Variants in GAS2 observed in about 807,000 individuals in gnomAD.
GAS2 encodes growth arrest-specific protein 2.
GAS2 carries 20 observed loss-of-function variants against 37.5 expected under a neutral mutation model. The ratio of observed to expected loss-of-function variants is 0.53; its 90% confidence interval spans 0.37 to 0.77. The LOEUF is 0.77. GAS2 is among the 30% of genes least tolerant of loss of function. The pLI, the probability that GAS2 is intolerant of heterozygous loss-of-function variation, is 0.00. For synonymous variants in GAS2, 144 were observed against 132.2 expected (o/e 1.09, Z -0.61); for missense variants, 336 against 373.4 (o/e 0.90, Z 0.82).
intron 3 of GAS2, among the ~76,000 whole-genome samples, chr11:22,717,275 G>A (rs1851727909): frequency 6.6e-6 from 1 of 152,126 alleles, no homozygotes; most frequent in Admixed American, 6.6e-5. Flanking sequence ...TACCAAAACA[G>A]TATGGTATGA....
At chr11:22,687,279 A>T (rs1188910527) in intron 3 of GAS2, among the ~76,000 whole-genome samples, 1 of 152,150 alleles carries the variant, frequency 6.6e-6, no homozygotes, top group African/African-American at 2.4e-5. Flanking sequence ...GTGAGCCAAG[A>T]TCACAACACT....
chr11:22,681,642 A>G (rs945347991), intron 2 of GAS2, among the ~76,000 whole-genome samples: 2 of 152,180 alleles, frequency 1.3e-5, no homozygotes, highest in African/African-American at 4.8e-5. Flanking sequence ...TCTGGTGCTA[A>G]AATCACACTG....
At chr11:22,642,404 G>C (rs1003262022) in intron 1 of GAS2, among the ~76,000 whole-genome samples, 1 of 152,110 alleles carries the variant, frequency 6.6e-6, no homozygotes, top group Non-Finnish European at 1.5e-5. Context: ...CTCTGGAAAT[G>C]AATTAGTATT....
intron 4 of GAS2, among the ~76,000 whole-genome samples, chr11:22,727,433 C>T (rs1189468432): frequency 6.6e-6 from 1 of 152,022 alleles, no homozygotes. Flanking sequence ...GCCCCATTCC[C>T]ATGCGTAACC....
chr11:22,636,085 T>C (rs550321862), intron 1 of GAS2, among the ~76,000 whole-genome samples: 42 of 152,328 alleles, frequency 2.8e-4, no homozygotes, highest in African/African-American at 9.1e-4. Context: ...ACTGCTTCTT[T>C]CAAAGGGTCT....
intron 3 of GAS2, among the ~76,000 whole-genome samples, chr11:22,721,008 A>G (rs1851921902): frequency 6.6e-6 from 1 of 152,062 alleles, no homozygotes; most frequent in African/African-American, 2.4e-5. Context: ...GGAACAGTTG[A>G]AAGTGTAGGA....
At position 22,748,606 on chromosome 11, in the gene GAS2, C is replaced by G. The variant is rs143558584; in HGVS notation, c.474-514C>G. Among the ~76,000 whole-genome samples, 136 of 152,106 alleles carry G rather than the reference C, an allele frequency of 8.9e-4. 2 individuals are homozygous for G. The highest frequency in any genetic ancestry group is 2.6e-3 in the African/African-American group (108 of 41,514). On this transcript the variant is annotated intron_variant, in intron 5 of 7. Transcript: ENST00000454584. ...TCATAACCTATGACATTGTATAACC[C>G]ATAGTACAATGTTCTGGACCCATAG... is the stretch of plus-strand genomic sequence containing the variant.
intron 2 of GAS2, among the ~76,000 whole-genome samples, chr11:22,679,692 G>A (rs1849587010): frequency 6.6e-6 from 1 of 151,936 alleles, no homozygotes; most frequent in South Asian, 2.1e-4. Context: ...TTTGTCTAAT[G>A]CTATATAAAT....
At chr11:22,652,642 C>T (rs7124719) in intron 1 of GAS2, among the ~76,000 whole-genome samples, 36,347 of 152,210 alleles carry the variant, frequency 0.24, 5,679 homozygotes, top group African/African-American at 0.44. Flanking sequence ...GTTTTAAGCC[C>T]GTGGGAAAAG....
At chr11:22,703,607 G>A (rs1460847392) in intron 3 of GAS2, among the ~76,000 whole-genome samples, 1 of 152,118 alleles carries the variant, frequency 6.6e-6, no homozygotes, top group East Asian at 1.9e-4. Flanking sequence ...AGAATTGCTA[G>A]GTAATTTAAA....
intron 3 of GAS2, among the ~76,000 whole-genome samples, chr11:22,700,431 A>C (rs1190913765): frequency 6.6e-6 from 1 of 152,156 alleles, no homozygotes; most frequent in African/African-American, 2.4e-5. Flanking sequence ...AGCAAATCTG[A>C]CTTTTCCAGT....
chr11:22,628,857 C>A (rs931485851), intron 1 of GAS2, among the ~76,000 whole-genome samples: 4 of 152,164 alleles, frequency 2.6e-5, no homozygotes, highest in Admixed American at 1.3e-4. Flanking sequence ...CATAGCTTAG[C>A]TCCCACTTCC....
At chr11:22,661,244 A>G (rs1848911981) in intron 1 of GAS2, among the ~76,000 whole-genome samples, 1 of 152,188 alleles carries the variant, frequency 6.6e-6, no homozygotes, top group Non-Finnish European at 1.5e-5. Flanking sequence ...TTTTCCTTTG[A>G]TGAGCACAGT....
rs114119821 is a variant in GAS2, at chr11:22,726,649, T to C, written c.409+216T>C. 7.0e-3 allele frequency among the ~76,000 whole-genome samples: 1,072 copies of C among 152,178 alleles called. 20 individuals carry two copies. The highest frequency in any genetic ancestry group is 0.024 in the African/African-American group (1,014 of 41,540). Reference sequence around the variant, plus strand: ...CTCTTACTATTGGTTACCTCATGGATACAAGAATAGAAACAGAAGTAGCAG... The same window carrying C: ...CTCTTACTATTGGTTACCTCATGGACACAAGAATAGAAACAGAAGTAGCAG... On this transcript the variant is annotated intron_variant, in intron 4 of 7. Coordinates refer to ENST00000454584, the MANE Select transcript of GAS2 (RefSeq NM_001143830.3).
At chr11:22,795,981 A>G (rs1042583099) in intron 7 of GAS2, among the ~76,000 whole-genome samples, 1 of 152,178 alleles carries the variant, frequency 6.6e-6, no homozygotes, top group African/African-American at 2.4e-5. Context: ...GAAAATTTTC[A>G]TACACATAGA....
At chr11:22,646,155 T>G (rs1453450545) in intron 1 of GAS2, among the ~76,000 whole-genome samples, 1 of 152,172 alleles carries the variant, frequency 6.6e-6, no homozygotes, top group Non-Finnish European at 1.5e-5. Context: ...CAATTTGGTT[T>G]TCCTGTCTTC....
Position 22,725,631 on chromosome 11 carries a change from T to C in GAS2, c.268-661T>C, listed in dbSNP as rs1440541040. On this transcript the variant is annotated intron_variant, in intron 3 of 7. Coordinates refer to ENST00000454584, the MANE Select transcript of GAS2 (RefSeq NM_001143830.3). ...TTGTAGAGATAGGATACCATTATGT[T>C]GCCCAGGTTAGTCACGAACTCCTGG... Among the ~76,000 whole-genome samples, 4 of 152,088 alleles carry C rather than the reference T, an allele frequency of 2.6e-5. No individual in the cohort carries two copies. In the East Asian group the frequency reaches 7.7e-4, roughly 29 times the overall value.
At chr11:22,681,440 G>A (rs189233139) in intron 2 of GAS2, among the ~76,000 whole-genome samples, 29 of 152,192 alleles carry the variant, frequency 1.9e-4, no homozygotes, top group Middle Eastern at 3.4e-3. Flanking sequence ...ATCAAATATC[G>A]CAATTATAAA....
intron 7 of GAS2, among the ~76,000 whole-genome samples, chr11:22,769,624 AAC>A (rs1330173594): frequency 5.3e-5 from 8 of 152,246 alleles, no homozygotes; most frequent in African/African-American, 1.9e-4. Context: ...TGGGAGGGGA[AAC>A]AGTTTTCCCA....
Sources: allele counts gnomAD v4.1 joint callset (sites outside exome capture counted in the v4.1 genomes callset), GRCh38; gene constraint gnomAD v4.1.1; transcripts MANE v1.5; gene names NCBI Gene and HGNC (gene_info 2026-07-23, HGNC 2026-07-21).